The following DLG4 variants were observed in gnomAD, a reference collection of about 807,000 sequenced individuals.
DLG4 encodes the protein discs large MAGUK scaffold protein 4.
Under a neutral mutation model 93.8 loss-of-function variants are expected in DLG4, and 7 were observed. The observed-to-expected ratio is 0.07, with a 90% CI of 0.04 to 0.14. DLG4 has a LOEUF of 0.14. DLG4 is among the 10% of genes least tolerant of loss of function. DLG4 has a pLI of 1.00. For missense variants in DLG4, 545 were observed against 992.9 expected (o/e 0.55, Z 6.06); for synonymous variants, 341 against 387.6 (o/e 0.88, Z 1.41).
intron 1 of DLG4, among the ~76,000 whole-genome samples, chr17:7,215,085 T>G (rs570231055): frequency 9.9e-5 from 15 of 152,142 alleles, no homozygotes; most frequent in Non-Finnish European, 2.1e-4. Context: ...CTGCCCTGGA[T>G]AGAGATGAAC....
In DLG4 at chr17:7,191,486, A is replaced by G. The variant is rs532229746; in HGVS notation, c.1977-128T>C. 1.0e-5 allele frequency: 8 copies of G among 794,572 alleles called. No homozygotes were observed. The East Asian group carries it at 2.1e-4, about 21-fold the overall frequency. The allele number at this position is 794,572 out of a possible 1,614,324, so 49.2% of individuals were successfully genotyped here. A position where few individuals can be genotyped will look rare whatever the true frequency, so the allele number is the denominator to read the frequency against. On this transcript the variant is annotated intron_variant, in intron 18 of 19. Transcript: ENST00000399506. This position sits in a 1 kb window ranked among gnomAD's most constrained non-coding sequence, Gnocchi z 6.6. ...TAGCAAAAAAAAAAATACAATTCCC[A>G]ATATCCTCTGGGGCCACAGATGAGA...
intron 1 of DLG4, among the ~76,000 whole-genome samples, chr17:7,214,205 G>A (rs982181496): frequency 6.6e-6 from 1 of 152,050 alleles, no homozygotes; most frequent in Non-Finnish European, 1.5e-5. Flanking sequence ...CCCAACCCCC[G>A]GATTCTCCTT....
At chr17:7,192,313 G>T in intron 17 of DLG4, 1 of 364,046 alleles carries the variant, frequency 2.7e-6, no homozygotes, top group Non-Finnish European at 4.9e-6. Flanking sequence ...GCAGCAGCGA[G>T]TGGGGCGGGG....
At chr17:7,218,854 C>G (rs1567557525), upstream of DLG4, 1 of 1,613,642 alleles carries the variant, frequency 6.2e-7, no homozygotes, top group African/African-American at 1.3e-5. Context: ...GGACATCTCT[C>G]TCTTCTCTCA....
chr17:7,189,358 A>G lies in DLG4; in HGVS notation c.*1350T>C, dbSNP rs1038543861. Among the ~76,000 whole-genome samples the G allele has an allele frequency of 1.1e-4, 16 of 151,914 alleles. No homozygotes were observed. The highest frequency in any genetic ancestry group is 2.1e-4 in the South Asian group (1 of 4,798). ...TACAAAATTAGCCAGGCATGGTGGC[A>G]GTAATCTGTAATCCCAGCTACTCAG... On this transcript the variant is annotated 3_prime_UTR_variant, in exon 20 of 20. Transcript: ENST00000399506.
In DLG4 at chr17:7,217,177, A is replaced by G; in HGVS notation, c.-30T>C. The G allele has an allele frequency of 1.6e-6, 2 of 1,280,516 alleles. No homozygotes were observed. The highest frequency in any genetic ancestry group is 2.0e-6 in the Non-Finnish European group (2 of 1,009,050). 79.3% of individuals were successfully genotyped at this position (1,280,516 alleles called of 1,614,324 possible). A position where few individuals can be genotyped will look rare whatever the true frequency, so the allele number is the denominator to read the frequency against. Reference sequence around the variant, plus strand: ...GGGGGCCTGGCCGCGGCGGCGGGTAAGGGGCTCTGACTTCATCGGAGTTTC... The same window carrying G: ...GGGGGCCTGGCCGCGGCGGCGGGTAGGGGGCTCTGACTTCATCGGAGTTTC... On this transcript the variant is annotated 5_prime_UTR_variant, in exon 1 of 20. Coordinates refer to ENST00000399506, the MANE Select transcript of DLG4 (RefSeq NM_001321075.3).
At chr17:7,192,212 G>A (rs1177093644) in intron 17 of DLG4, 2 of 434,126 alleles carry the variant, frequency 4.6e-6, no homozygotes, top group Non-Finnish European at 8.1e-6. Flanking sequence ...AGGGAAGATG[G>A]AGAGCACGGG....
chr17:7,199,409 C>T (rs561278649), intron 8 of DLG4, among the ~76,000 whole-genome samples: 5 of 152,064 alleles, frequency 3.3e-5, no homozygotes, highest in South Asian at 2.1e-4. Context: ...CCATGTTGGG[C>T]GGGCTGGTCT....
chr17:7,203,674 CCT>C lies in DLG4; in HGVS notation c.335+16_335+17del, dbSNP rs769206935. On this transcript the variant is annotated intron_variant, in intron 5 of 19. Transcript: ENST00000399506. This position sits in a 1 kb window ranked among gnomAD's most constrained non-coding sequence, Gnocchi z 7.2. ...TCTCCAGGGACCAAGCAACCTAACC[CCT>C]GTCTCCTCTCCCCACCTGAGGCGGC... 2.3e-5 allele frequency: 37 copies of C among 1,613,710 alleles called. 1 individual carries two copies. The highest frequency in any genetic ancestry group is 1.6e-4 in the Middle Eastern group (1 of 6,084).
rs1357711174 is a variant in DLG4 at position 7,189,398 on chromosome 17, A to T, written c.*1310T>A. 6.6e-6 allele frequency among the ~76,000 whole-genome samples: 1 copy of T among 151,852 alleles called. No individual in the cohort carries two copies. Among genetic ancestry groups the T allele is most frequent in the Non-Finnish European group, 1.5e-5 (1 of 67,962 alleles). The stretch of plus-strand genomic sequence containing the variant: ...CAGCTACTCAGGGGGCTGAGGCAGG[A>T]GAATCACTTGAACCAGGGTGGCAGA... On this transcript the variant is annotated 3_prime_UTR_variant, in exon 20 of 20. Coordinates refer to ENST00000399506, the MANE Select transcript of DLG4 (RefSeq NM_001321075.3).
At position 7,191,687 on chromosome 17, in the gene DLG4, G is replaced by C. The variant is rs888763247; in HGVS notation, c.1976+206C>G. Reference sequence around the variant, plus strand: ...CAGCTGGTATGCCCCAGGGGCTGCTGGGAAATGTAGTCCTGTCTAGCCAAG... The same window carrying C: ...CAGCTGGTATGCCCCAGGGGCTGCTCGGAAATGTAGTCCTGTCTAGCCAAG... On this transcript the variant is annotated intron_variant, in intron 18 of 19. Transcript: ENST00000399506. This position sits in a 1 kb window ranked among gnomAD's most constrained non-coding sequence, Gnocchi z 6.6. The C allele has an allele frequency of 1.7e-6, 1 of 581,030 alleles. No homozygotes were observed. The highest frequency in any genetic ancestry group is 1.9e-5 in the African/African-American group (1 of 53,586). 36.0% of individuals were successfully genotyped at this position (581,030 alleles called of 1,614,324 possible). A position where few individuals can be genotyped will look rare whatever the true frequency, so the allele number is the denominator to read the frequency against.
chr17:7,213,593 A>G (rs2070792798), intron 1 of DLG4, among the ~76,000 whole-genome samples: 3 of 152,224 alleles, frequency 2.0e-5, no homozygotes, highest in Non-Finnish European at 1.5e-5. Context: ...CAAATCGTCC[A>G]GAACACTCCC....
At chr17:7,210,589 C>T (rs1410042975) in intron 1 of DLG4, among the ~76,000 whole-genome samples, 2 of 152,188 alleles carry the variant, frequency 1.3e-5, no homozygotes, top group East Asian at 3.8e-4. Context: ...TGGTCTTCTA[C>T]CTGGGCAGTG....
chr17:7,217,604 G>T lies in DLG4; in HGVS notation c.-457C>A. On this transcript the variant is annotated 5_prime_UTR_variant, in exon 1 of 20. Transcript: ENST00000399506. The stretch of plus-strand genomic sequence containing the variant: ...CAGCGGCCGAGGGAGCCGTGGAGCC[G>T]AAGAGGGAAGGGGAGAGAGGAGGAG... 1 of 1,378,200 alleles carries T rather than the reference G, an allele frequency of 7.3e-7. No homozygotes were observed. Among genetic ancestry groups the T allele is most frequent in the Non-Finnish European group, 9.5e-7 (1 of 1,056,258 alleles). The allele number at this position is 1,378,200 out of a possible 1,614,324, so 85.4% of individuals were successfully genotyped here.
At position 7,203,041 on chromosome 17, in the gene DLG4, T is replaced by C; in HGVS notation, c.649A>G (p.Ser217Gly). The change falls in exon 8 of 20, where the codon AGT becomes GGT. Residue 217 changes from serine to glycine, a missense_variant. Physicochemically the swap from Ser to Gly is moderately conservative, Grantham distance 56. Transcript: ENST00000399506. The surrounding 1 kb of genome is among the most constrained non-coding windows in gnomAD (Gnocchi z 7.2). ...QIGDKILAVN[S>G]VGLEDVMHED... ...TGCATGACGTCCTCTAGCCCCACAC[T>C]GTTGACCTGGAGTCAAGGAAAGCAA... 1 of 1,602,446 alleles carries C rather than the reference T, an allele frequency of 6.2e-7. No homozygotes were observed. Among genetic ancestry groups the C allele is most frequent in the Non-Finnish European group, 8.5e-7 (1 of 1,170,122 alleles).
At chr17:7,199,503 A>G (rs1312404221) in intron 8 of DLG4, among the ~76,000 whole-genome samples, 7 of 151,958 alleles carry the variant, frequency 4.6e-5, no homozygotes, top group Admixed American at 4.6e-4. Flanking sequence ...GCCCAGCCAA[A>G]ATATTTTTAA....
chr17:7,210,300 A>G (rs967975717), intron 1 of DLG4, among the ~76,000 whole-genome samples: 3 of 151,984 alleles, frequency 2.0e-5, no homozygotes, highest in African/African-American at 7.3e-5. Context: ...CAGCACGAAA[A>G]CTCTCAAACC....
intron 3 of DLG4, 32 bp downstream of exon 3, chr17:7,204,167 A>G (rs1398512250): frequency 1.9e-6 from 3 of 1,605,360 alleles, no homozygotes; most frequent in South Asian, 2.2e-5. Flanking sequence ...TCCTTCTGCA[A>G]TGGCCCCAGC....
At chr17:7,197,712 T>C (rs1365532575) in intron 8 of DLG4, among the ~76,000 whole-genome samples, 1 of 152,148 alleles carries the variant, frequency 6.6e-6, no homozygotes, top group Non-Finnish European at 1.5e-5. Flanking sequence ...CTGGAACTTC[T>C]GAACTCAAAT....
Sources: allele counts gnomAD v4.1 joint callset (sites outside exome capture counted in the v4.1 genomes callset), GRCh38; gene constraint gnomAD v4.1.1; non-coding constraint Gnocchi (gnomAD v3.1); transcripts MANE v1.5; gene names NCBI Gene and HGNC (gene_info 2026-07-23, HGNC 2026-07-21).